Variants in MGAT4C observed in about 807,000 individuals in gnomAD.
MGAT4C encodes the protein alpha-1,3-mannosyl-glycoprotein 4-beta-N-acetylglucosaminyltransferase C.
A neutral mutation model predicts 40.1 loss-of-function variants in MGAT4C; 19 were observed. That is an observed-to-expected ratio of 0.47 (90% confidence interval 0.33 to 0.70). The LOEUF (loss-of-function observed/expected upper bound fraction) is 0.70, where lower values mean the gene tolerates loss of function less well. Ranked by LOEUF, MGAT4C falls within the 30% of genes least tolerant of loss-of-function variation. MGAT4C has a pLI of 0.02. For synonymous variants in MGAT4C, 181 were observed against 187.1 expected, an observed-to-expected ratio of 0.97 and a Z score of 0.27; for missense variants, 491 against 563.2, an observed-to-expected ratio of 0.87 and a Z score of 1.30.
intron 2 of MGAT4C, among the ~76,000 whole-genome samples, chr12:86,573,618 CAAT>C (rs1960451780): frequency 1.3e-5 from 2 of 151,900 alleles, no homozygotes; most frequent in Admixed American, 6.6e-5. Context: ...ATGAGGGCAA[CAAT>C]AATGTGAACT....
intron 1 of MGAT4C, among the ~76,000 whole-genome samples, chr12:86,085,600 GC>G (rs1191918038): frequency 1.3e-5 from 2 of 151,812 alleles, no homozygotes; most frequent in Non-Finnish European, 2.9e-5. Context: ...GAGTGAACAG[GC>G]AACCTACAGA....
At chr12:86,725,641 T>A (rs983221646) in intron 2 of MGAT4C, among the ~76,000 whole-genome samples, 11 of 152,010 alleles carry the variant, frequency 7.2e-5, no homozygotes, top group Non-Finnish European at 1.5e-5. Context: ...CTTTTGTATT[T>A]CAGTAGAGAT....
intron 2 of MGAT4C, among the ~76,000 whole-genome samples, chr12:85,990,190 A>G (rs1441960148): frequency 6.6e-6 from 1 of 152,112 alleles, no homozygotes; most frequent in African/African-American, 2.4e-5. Context: ...CTTGATATCT[A>G]CTACTTAGTA....
At position 86,114,727 on chromosome 12, in the gene MGAT4C, TG is replaced by T. The variant is rs202211889; in HGVS notation, c.-56-65005del. The stretch of plus-strand genomic sequence containing the variant: ...GGCAAAATAATTGATATTAGATAGC[TG>T]AGATTTGACAAACCATGTCTCTGAC... On this transcript the variant is annotated intron_variant, in intron 1 of 4. Coordinates refer to ENST00000611864, the MANE Select transcript of MGAT4C (RefSeq NM_001351288.2). 9.0e-3 allele frequency among the ~76,000 whole-genome samples: 1,365 copies of T among 152,114 alleles called. 15 individuals carry two copies. The highest frequency in any genetic ancestry group is 0.034 in the South Asian group (163 of 4,824).
intron 2 of MGAT4C, among the ~76,000 whole-genome samples, chr12:86,707,669 T>A (rs986103408): frequency 6.6e-6 from 1 of 152,052 alleles, no homozygotes; most frequent in Non-Finnish European, 1.5e-5. Flanking sequence ...TAGCTGGGGT[T>A]ACAGGCACAT....
intron 2 of MGAT4C, among the ~76,000 whole-genome samples, chr12:86,663,739 T>C (rs913758978): frequency 2.6e-5 from 4 of 152,166 alleles, no homozygotes; most frequent in African/African-American, 4.8e-5. Flanking sequence ...CTATGCACCA[T>C]GTTTGATATT....
intron 2 of MGAT4C, among the ~76,000 whole-genome samples, chr12:86,614,722 C>G (rs1354967083): frequency 6.6e-6 from 1 of 151,152 alleles, no homozygotes; most frequent in Non-Finnish European, 1.5e-5. Flanking sequence ...AAAGAAAAAC[C>G]CTGAGGCTCA....
chr12:86,616,875 GA>G (rs1448745638), intron 2 of MGAT4C, among the ~76,000 whole-genome samples: 1 of 152,006 alleles, frequency 6.6e-6, no homozygotes, highest in Non-Finnish European at 1.5e-5. Context: ...ATGTTTAGAA[GA>G]GTAGTAGAGG....
chr12:86,336,297 G>T (rs1954791331), intron 3 of MGAT4C, among the ~76,000 whole-genome samples: 2 of 152,132 alleles, frequency 1.3e-5, no homozygotes, highest in Admixed American at 6.6e-5. Context: ...CTACCACCTT[G>T]TGTTTCAGTA....
At chr12:86,424,796 G>A (rs942748261) in intron 3 of MGAT4C, among the ~76,000 whole-genome samples, 1 of 152,052 alleles carries the variant, frequency 6.6e-6, no homozygotes, top group South Asian at 2.1e-4. Context: ...TCACTCTGAC[G>A]CACAGGCTGG....
In MGAT4C at chr12:86,224,350, C is replaced by G. The variant is rs116687505; in HGVS notation, c.-57+31889G>C. Reference sequence around the variant, plus strand: ...TAAAAAGATAGACTCCATAAAATAACAGTAGGGGACTTCAACACCCCACTG... The same window carrying G: ...TAAAAAGATAGACTCCATAAAATAAGAGTAGGGGACTTCAACACCCCACTG... On this transcript the variant is annotated intron_variant, in intron 1 of 4. Transcript: ENST00000611864. Among the ~76,000 whole-genome samples the G allele has an allele frequency of 3.2e-3, 490 of 152,090 alleles. 2 individuals carry two copies. The highest frequency in any genetic ancestry group is 0.011 in the African/African-American group (455 of 41,482).
chr12:86,730,953 C>G (rs1417256991), intron 1 of MGAT4C, among the ~76,000 whole-genome samples: 1 of 152,018 alleles, frequency 6.6e-6, no homozygotes, highest in Admixed American at 6.6e-5. Context: ...ATCATTAATG[C>G]CACTCTAGAA....
At chr12:86,270,034 C>T (rs1952902625) in intron 4 of MGAT4C, among the ~76,000 whole-genome samples, 1 of 151,896 alleles carries the variant, frequency 6.6e-6, no homozygotes, top group Non-Finnish European at 1.5e-5. Flanking sequence ...CGTAGTGGAT[C>T]TCTGTTTTTG....
At chr12:86,197,144 G>C (rs1949846779) in intron 1 of MGAT4C, among the ~76,000 whole-genome samples, 1 of 152,070 alleles carries the variant, frequency 6.6e-6, no homozygotes, top group Admixed American at 6.6e-5. Flanking sequence ...GAAATTCTTT[G>C]CCACTTTATG....
intron 1 of MGAT4C, among the ~76,000 whole-genome samples, chr12:86,177,472 G>A (rs534516875): frequency 2.0e-5 from 3 of 152,116 alleles, no homozygotes; most frequent in Non-Finnish European, 2.9e-5. Flanking sequence ...ATTTTTTCAA[G>A]TAAGCTTGCA....
chr12:86,252,432 A>T (rs946310673), intron 1 of MGAT4C, among the ~76,000 whole-genome samples: 1 of 152,012 alleles, frequency 6.6e-6, no homozygotes. Flanking sequence ...ATACTATCTA[A>T]AAACAATTTA....
chr12:86,712,920 A>C (rs955187995), intron 2 of MGAT4C, among the ~76,000 whole-genome samples: 2 of 152,148 alleles, frequency 1.3e-5, no homozygotes, highest in Non-Finnish European at 2.9e-5. Context: ...CTATAAGACG[A>C]GTAATAAGCA....
chr12:86,365,687 T>G (rs1489263031), intron 3 of MGAT4C, among the ~76,000 whole-genome samples: 1 of 152,102 alleles, frequency 6.6e-6, no homozygotes, highest in East Asian at 1.9e-4. Flanking sequence ...CCACTGTTTT[T>G]TTTTTTTTTT....
At chr12:86,458,127 A>G (rs1957540289) in intron 2 of MGAT4C, among the ~76,000 whole-genome samples, 2 of 152,194 alleles carry the variant, frequency 1.3e-5, no homozygotes, top group South Asian at 4.1e-4. Context: ...TAAAGGTGAC[A>G]ATATGTCATT....
Sources: allele counts gnomAD v4.1 joint callset (sites outside exome capture counted in the v4.1 genomes callset), GRCh38; gene constraint gnomAD v4.1.1; transcripts MANE v1.5; gene names NCBI Gene and HGNC (gene_info 2026-07-23, HGNC 2026-07-21).